Variants in PDE4B observed in about 807,000 individuals in gnomAD.
The protein encoded by PDE4B is phosphodiesterase 4B.
Under a neutral mutation model 82.2 loss-of-function variants are expected in PDE4B, and 20 were observed. The ratio of observed to expected loss-of-function variants is 0.24; its 90% CI spans 0.17 to 0.35. The LOEUF (loss-of-function observed/expected upper bound fraction) is 0.35, where lower values mean the gene tolerates loss of function less well. PDE4B is among the 10% of genes least tolerant of loss of function. The pLI, the probability that PDE4B is intolerant of heterozygous loss-of-function variation, is 1.00. For synonymous variants in PDE4B, 320 were observed against 318.9 expected, an observed-to-expected ratio of 1.00 and a Z score of -0.04; for missense variants, 655 against 907.2, an observed-to-expected ratio of 0.72 and a Z score of 3.57.
intron 3 of PDE4B, among the ~76,000 whole-genome samples, chr1:66,231,158 A>C (rs1190981409): frequency 6.6e-6 from 1 of 152,214 alleles, no homozygotes; most frequent in South Asian, 2.1e-4. Flanking sequence ...AACATATTGA[A>C]GAATATTGAA....
chr1:66,019,781 G>C (rs1206232826), intron 3 of PDE4B, among the ~76,000 whole-genome samples: 5 of 152,184 alleles, frequency 3.3e-5, no homozygotes, highest in South Asian at 4.1e-4. Context: ...TTCTTTTGTT[G>C]TTTAATCACA....
chr1:65,984,339 A>G (rs1650844001), intron 3 of PDE4B, among the ~76,000 whole-genome samples: 1 of 152,208 alleles, frequency 6.6e-6, no homozygotes. Context: ...GAAGGATGTG[A>G]CTATAAAGGT....
At chr1:65,876,187 A>T (rs1184767021) in intron 1 of PDE4B, among the ~76,000 whole-genome samples, 2 of 152,092 alleles carry the variant, frequency 1.3e-5, no homozygotes, top group Non-Finnish European at 2.9e-5. Flanking sequence ...CTTTATAATA[A>T]TCAAATTATT....
chr1:66,336,728 CCTT>C (rs1660548072), intron 8 of PDE4B, among the ~76,000 whole-genome samples: 2 of 152,134 alleles, frequency 1.3e-5, no homozygotes, highest in African/African-American at 2.4e-5. Flanking sequence ...GATAGATGGT[CCTT>C]CTTCTCTTAA....
chr1:66,197,402 T>C (rs779144980), intron 3 of PDE4B, among the ~76,000 whole-genome samples: 4 of 152,110 alleles, frequency 2.6e-5, no homozygotes, highest in African/African-American at 7.2e-5. Context: ...AACTTATAGA[T>C]GTTAATCTCT....
At chr1:65,846,432 G>A (rs1362302067) in intron 1 of PDE4B, among the ~76,000 whole-genome samples, 1 of 152,216 alleles carries the variant, frequency 6.6e-6, no homozygotes, top group African/African-American at 2.4e-5. Flanking sequence ...CGTAGAACAT[G>A]TTTGGAGACA....
At chr1:65,848,707 T>C (rs1646295504) in intron 1 of PDE4B, among the ~76,000 whole-genome samples, 2 of 152,366 alleles carry the variant, frequency 1.3e-5, no homozygotes, top group Middle Eastern at 3.4e-3. Flanking sequence ...TGTTGTTTCA[T>C]GTACTAATAG....
At chr1:66,258,038 C>T (rs989604612) in intron 6 of PDE4B, among the ~76,000 whole-genome samples, 175 bp downstream of exon 6, 1 of 152,144 alleles carries the variant, frequency 6.6e-6, no homozygotes, top group South Asian at 2.1e-4. Context: ...ACTCATACAA[C>T]ACTATAAGTA....
At chr1:66,334,829 G>T (rs619959) in intron 8 of PDE4B, among the ~76,000 whole-genome samples, 5 of 152,134 alleles carry the variant, frequency 3.3e-5, no homozygotes, top group South Asian at 2.1e-4. Flanking sequence ...AATGAGGCCA[G>T]GGAGTGGTGG....
chr1:65,982,226 C>T (rs954230518), intron 3 of PDE4B, among the ~76,000 whole-genome samples: 72 of 152,132 alleles, frequency 4.7e-4, no homozygotes, highest in Admixed American at 1.6e-3. Context: ...TAGAAAAGAA[C>T]GTGGCCTACT....
intron 3 of PDE4B, among the ~76,000 whole-genome samples, chr1:66,150,116 A>G (rs1242612818): frequency 1.3e-5 from 2 of 152,184 alleles, no homozygotes; most frequent in East Asian, 1.9e-4. Flanking sequence ...ATCTCTATGT[A>G]TATCCTTATG....
At chr1:66,001,267 C>G (rs976369649) in intron 3 of PDE4B, among the ~76,000 whole-genome samples, 15 of 152,070 alleles carry the variant, frequency 9.9e-5, no homozygotes, top group African/African-American at 3.6e-4. Context: ...CACCTTTTAC[C>G]TAGATATACT....
chr1:65,904,630 C>T (rs1647008135), intron 1 of PDE4B, among the ~76,000 whole-genome samples: 2 of 152,062 alleles, frequency 1.3e-5, no homozygotes, highest in Admixed American at 1.3e-4. Flanking sequence ...CTGACCCATC[C>T]TATTTGCTGC....
At chr1:66,277,362 A>G (rs1655956288) in intron 7 of PDE4B, among the ~76,000 whole-genome samples, 1 of 152,084 alleles carries the variant, frequency 6.6e-6, no homozygotes, top group Non-Finnish European at 1.5e-5. Flanking sequence ...TCTGATATGC[A>G]TTCTATTTAT....
At chr1:66,232,565 G>A (rs574646471) in intron 3 of PDE4B, among the ~76,000 whole-genome samples, 6 of 152,202 alleles carry the variant, frequency 3.9e-5, no homozygotes, top group South Asian at 4.1e-4. Flanking sequence ...AGAAAAGAGC[G>A]TAAAGCTGAG....
intron 3 of PDE4B, among the ~76,000 whole-genome samples, chr1:66,113,721 C>T (rs1042624144): frequency 1.2e-4 from 18 of 152,132 alleles, no homozygotes; most frequent in Non-Finnish European, 2.2e-4. Flanking sequence ...TATATACTAT[C>T]AATAGAATTC....
chr1:66,121,759 G>A (rs767396809), intron 3 of PDE4B, among the ~76,000 whole-genome samples: 5 of 152,212 alleles, frequency 3.3e-5, no homozygotes, highest in Middle Eastern at 3.4e-3. Context: ...CTATAACTTC[G>A]TATCCTCCAG....
intron 3 of PDE4B, among the ~76,000 whole-genome samples, chr1:66,044,402 G>A (rs1174722067): frequency 2.0e-5 from 3 of 151,622 alleles, no homozygotes; most frequent in African/African-American, 7.3e-5. Context: ...GAATTTGTGT[G>A]GCCGAATGAA....
Position 65,835,478 on chromosome 1 carries a change from C to A in PDE4B, c.-71+42230C>A, listed in dbSNP as rs944593150. Among the ~76,000 whole-genome samples, 3 of 151,896 alleles carry A rather than the reference C, an allele frequency of 2.0e-5. No homozygotes were observed. The East Asian group carries it at 5.8e-4, about 29-fold the overall frequency. ...ATTTTCAAAATACGATATCGGCAAA[C>A]CTAAAGGAGAAGCCAAGACCAATTA... On this transcript the variant is annotated intron_variant, in intron 1 of 16. Transcript: ENST00000341517.
Sources: gnomAD v4.1 joint callset for allele counts (sites outside exome capture counted in the v4.1 genomes callset) on GRCh38, gnomAD v4.1.1 for gene constraint, MANE v1.5 for transcripts, NCBI Gene and HGNC (gene_info 2026-07-23, HGNC 2026-07-21) for gene names.